Variants in CACNA1C observed in about 807,000 individuals in gnomAD.
The protein encoded by CACNA1C is calcium voltage-gated channel subunit alpha1 C.
In CACNA1C, 30 loss-of-function variants were observed where a neutral mutation model predicts 229.0. That is an observed-to-expected ratio of 0.13 (90% confidence interval 0.10 to 0.18). CACNA1C has a LOEUF of 0.18. Ranked by LOEUF, CACNA1C falls within the 10% of genes least tolerant of loss-of-function variation. CACNA1C has a pLI of 1.00. For missense variants in CACNA1C, 1,658 were observed against 2,845.0 expected (o/e 0.58, Z 9.49); for synonymous variants, 1,114 against 1,132.5 (o/e 0.98, Z 0.33).
At chr12:2,383,132 G>A (rs1461989306) in intron 3 of CACNA1C, among the ~76,000 whole-genome samples, 2 of 152,214 alleles carry the variant, frequency 1.3e-5, no homozygotes, top group East Asian at 3.8e-4. Flanking sequence ...ATAAAATGGG[G>A]TGCTGTGCTG....
intron 5 of CACNA1C, among the ~76,000 whole-genome samples, chr12:2,471,806 G>A (rs1347273536): frequency 6.6e-6 from 1 of 151,970 alleles, no homozygotes; most frequent in Non-Finnish European, 1.5e-5. Context: ...CTCAGCTCCC[G>A]AGTAGCTGGG....
chr12:2,589,368 G>A (rs1601311360), intron 18 of CACNA1C, among the ~76,000 whole-genome samples: 1 of 152,252 alleles, frequency 6.6e-6, no homozygotes, highest in African/African-American at 2.4e-5. Flanking sequence ...CTTCTCTGAG[G>A]ACACAGCATT....
intron 3 of CACNA1C, among the ~76,000 whole-genome samples, chr12:2,246,564 T>G (rs2073336897): frequency 6.6e-6 from 1 of 152,112 alleles, no homozygotes; most frequent in Non-Finnish European, 1.5e-5. Context: ...TCTGTGCAAT[T>G]CATACCGTTG....
At chr12:2,063,802 C>G (rs1243654728) in intron 1 of CACNA1C, among the ~76,000 whole-genome samples, 1 of 152,228 alleles carries the variant, frequency 6.6e-6, no homozygotes, top group Non-Finnish European at 1.5e-5. Context: ...TTGATGGACA[C>G]TTGCGTTTTC....
chr12:1,997,228 T>C (rs898248575), intron 1 of CACNA1C, among the ~76,000 whole-genome samples: 1 of 152,086 alleles, frequency 6.6e-6, no homozygotes, highest in Non-Finnish European at 1.5e-5. Context: ...GAGTCAGGGG[T>C]GGGAGAAAAG....
At chr12:2,185,637 C>T (rs2096975893) in intron 3 of CACNA1C, among the ~76,000 whole-genome samples, 1 of 152,242 alleles carries the variant, frequency 6.6e-6, no homozygotes, top group Admixed American at 6.5e-5. Context: ...AGAGGGGCAA[C>T]TGCAAGCCAT....
chr12:2,687,239 T>TG (rs1250340766), intron 45 of CACNA1C, among the ~76,000 whole-genome samples: 2 of 152,300 alleles, frequency 1.3e-5, no homozygotes, highest in East Asian at 3.9e-4. Context: ...TGGAAGGATG[T>TG]GGGGACACTG....
rs116684957 is a variant in CACNA1C, at chr12:2,453,756, G to A, written c.618-3811G>A. Among the ~76,000 whole-genome samples the A allele has an allele frequency of 4.8e-3, 725 of 152,224 alleles. 7 individuals carry two copies. The highest frequency in any genetic ancestry group is 0.017 in the South Asian group (84 of 4,814). On this transcript the variant is annotated intron_variant, in intron 4 of 46. Coordinates refer to ENST00000399655, the MANE Select transcript of CACNA1C (RefSeq NM_000719.7). Reference sequence around the variant, plus strand: ...GTCAGCCAACTTTTCTGTAAGGGCCGGATGCTGGTTTTCATCTTTGCAAGC... The same window carrying A: ...GTCAGCCAACTTTTCTGTAAGGGCCAGATGCTGGTTTTCATCTTTGCAAGC...
chr12:2,686,078 G>A lies in CACNA1C; in HGVS notation c.5681-88G>A, dbSNP rs79901658. On this transcript the variant is annotated intron_variant, in intron 44 of 46. Coordinates refer to ENST00000399655, the MANE Select transcript of CACNA1C (RefSeq NM_000719.7). ...AGGAGCGTCTCGGGCCATAGTTACTGCTCCTGGCACCCCACCAGGGTGTAA... is the reference window on the plus strand; with the variant it reads ...AGGAGCGTCTCGGGCCATAGTTACTACTCCTGGCACCCCACCAGGGTGTAA... 4.6e-5 allele frequency: 46 copies of A among 1,001,414 alleles called. No homozygotes were observed. The Middle Eastern group carries it at 1.0e-3, about 22-fold the overall frequency. 62.0% of individuals were successfully genotyped at this position (1,001,414 alleles called of 1,614,324 possible). A position where few individuals can be genotyped will look rare whatever the true frequency, so the allele number is the denominator to read the frequency against.
Position 2,512,243 on chromosome 12 carries a change from A to C in CACNA1C, c.1218-569A>C, listed in dbSNP as rs185755129. ...GGTGTAAATATTCCCACTGTGGCCG[A>C]TCTCAAGCTACCAGCGAGACATCCC... On this transcript the variant is annotated intron_variant, in intron 8 of 46. Transcript: ENST00000399655. The surrounding 1 kb of genome is among the most constrained non-coding windows in gnomAD (Gnocchi z 4.3). Among the ~76,000 whole-genome samples, 3 of 152,306 alleles carry C rather than the reference A, an allele frequency of 2.0e-5. No homozygotes were observed. The highest frequency in any genetic ancestry group is 7.2e-5 in the African/African-American group (3 of 41,566).
At chr12:2,021,639 C>T (rs1195230252) in intron 1 of CACNA1C, among the ~76,000 whole-genome samples, 1 of 151,886 alleles carries the variant, frequency 6.6e-6, no homozygotes, top group Non-Finnish European at 1.5e-5. Flanking sequence ...GAGATCACAC[C>T]ATTGCACTCC....
chr12:2,015,967 C>CTTTGTTATTTGGTAATGACAGAA (rs1476343405), intron 1 of CACNA1C, among the ~76,000 whole-genome samples: 3 of 152,148 alleles, frequency 2.0e-5, no homozygotes, highest in Non-Finnish European at 2.9e-5. Context: ...AAATCACTGA[C>CTTTGTTATTTGGTAATGACAGAA]TTTGTTATTT....
At chr12:2,149,370 T>C (rs1193578459) in intron 3 of CACNA1C, among the ~76,000 whole-genome samples, 1 of 152,150 alleles carries the variant, frequency 6.6e-6, no homozygotes, top group Non-Finnish European at 1.5e-5. Context: ...ATAGGAAATG[T>C]CACGGTCTTT....
At position 2,476,875 on chromosome 12, in the gene CACNA1C, A is replaced by G. The variant is rs11615407; in HGVS notation, c.758-9229A>G. Among the ~76,000 whole-genome samples the G allele has an allele frequency of 3.7e-3, 562 of 152,344 alleles. 1 individual carries two copies. The highest frequency in any genetic ancestry group is 6.4e-3 in the Non-Finnish European group (437 of 68,036). On this transcript the variant is annotated intron_variant, in intron 5 of 46. Coordinates refer to ENST00000399655, the MANE Select transcript of CACNA1C (RefSeq NM_000719.7). Reference sequence around the variant, plus strand: ...AAGGACACTCTAATGAGAACATGCAAAAATCATAAAACTTGAGGCTGTAGG... The same window carrying G: ...AAGGACACTCTAATGAGAACATGCAGAAATCATAAAACTTGAGGCTGTAGG...
At position 2,566,673 on chromosome 12, in the gene CACNA1C, G is replaced by A. The variant is rs1234116849; in HGVS notation, c.1669+91G>A. ...GGCATAACCACAGGCAGAAGGTGGA[G>A]GGGAAAGCAGCCAATGGTCGGGGCT... On this transcript the variant is annotated intron_variant, in intron 12 of 46. Coordinates refer to ENST00000399655, the MANE Select transcript of CACNA1C (RefSeq NM_000719.7). The surrounding 1 kb of genome is among the most constrained non-coding windows in gnomAD (Gnocchi z 4.0). 17 of 1,131,316 alleles carry A rather than the reference G, an allele frequency of 1.5e-5. No individual in the cohort carries two copies. Among genetic ancestry groups the A allele is most frequent in the Non-Finnish European group, 2.0e-5 (16 of 800,042 alleles). The allele number at this position is 1,131,316 out of a possible 1,614,324, so 70.1% of individuals were successfully genotyped here. A position where few individuals can be genotyped will look rare whatever the true frequency, so the allele number is the denominator to read the frequency against.
intron 9 of CACNA1C, among the ~76,000 whole-genome samples, chr12:2,534,281 C>G (rs145568210): frequency 6.6e-6 from 1 of 152,002 alleles, no homozygotes; most frequent in African/African-American, 2.4e-5. Context: ...GATCAGAGGG[C>G]GAATGCTGGA....
chr12:2,291,594 G>A (rs1030701904), intron 3 of CACNA1C, among the ~76,000 whole-genome samples: 4 of 152,316 alleles, frequency 2.6e-5, no homozygotes, highest in East Asian at 1.9e-4. Context: ...ATTGAAACTC[G>A]TCACAGAAGT....
intron 3 of CACNA1C, among the ~76,000 whole-genome samples, chr12:2,267,249 A>C (rs1374539106): frequency 6.6e-6 from 1 of 152,154 alleles, no homozygotes; most frequent in Middle Eastern, 3.2e-3. Context: ...TACCCTTCTT[A>C]TTATTCAGTT....
Position 2,346,330 on chromosome 12 carries a change from A to ATG in CACNA1C, c.478-102635_478-102634dup, listed in dbSNP as rs2097020845. 6.6e-6 allele frequency among the ~76,000 whole-genome samples: 1 copy of ATG among 151,184 alleles called. No homozygotes were observed. Among genetic ancestry groups the ATG allele is most frequent in the Admixed American group, 6.6e-5 (1 of 15,188 alleles). On this transcript the variant is annotated intron_variant, in intron 3 of 46. Transcript: ENST00000399655. The surrounding 1 kb of genome is among the most constrained non-coding windows in gnomAD (Gnocchi z 4.4). ...TTCTGTGTGTCTGTGTGTCTTTGTA[A>ATG]TGTGTGTGTGTGCCTATGTATGTCT...
Sources: allele counts gnomAD v4.1 joint callset (sites outside exome capture counted in the v4.1 genomes callset), GRCh38; gene constraint gnomAD v4.1.1; non-coding constraint Gnocchi (gnomAD v3.1); transcripts MANE v1.5; gene names NCBI Gene and HGNC (gene_info 2026-07-23, HGNC 2026-07-21).